STPG2: variants seen among roughly 807,000 people sequenced by gnomAD.
STPG2 encodes sperm-tail PG-rich repeat-containing protein 2.
STPG2 carries 56 observed loss-of-function variants against 54.2 expected under a neutral mutation model. That is an observed-to-expected ratio of 1.03 (90% CI 0.83 to 1.29). The LOEUF is 1.29. Ranked by LOEUF, STPG2 falls within the 50% of genes most tolerant of loss-of-function variation. The pLI is 0.00. For synonymous variants in STPG2, 200 were observed against 181.8 expected (o/e 1.10, Z -0.81); for missense variants, 596 against 544.9 (o/e 1.09, Z -0.93).
chr4:97,983,862 A>C (rs770909235), intron 5 of STPG2, among the ~76,000 whole-genome samples: 1 of 152,220 alleles, frequency 6.6e-6, no homozygotes, highest in Non-Finnish European at 1.5e-5. Context: ...TAGACATGTG[A>C]ACATATATAC....
At chr4:97,468,257 T>C (rs1195514648) in intron 4 of STPG2, among the ~76,000 whole-genome samples, 1 of 152,038 alleles carries the variant, frequency 6.6e-6, no homozygotes, top group African/African-American at 2.4e-5. Flanking sequence ...TTTATTAATC[T>C]TTGAAAGCAA....
intron 10 of STPG2, among the ~76,000 whole-genome samples, chr4:97,642,860 A>G (rs924852733): frequency 6.6e-6 from 1 of 151,506 alleles, no homozygotes; most frequent in Non-Finnish European, 1.5e-5. Flanking sequence ...GAAAAAAATA[A>G]TCAAAACAAA....
intron 10 of STPG2, among the ~76,000 whole-genome samples, chr4:97,599,121 A>G (rs368397473): frequency 7.2e-5 from 11 of 152,318 alleles, no homozygotes; most frequent in African/African-American, 2.6e-4. Flanking sequence ...TCAAAAGAAG[A>G]CATATTTGCG....
chr4:97,980,812 A>T (rs1235259261), intron 6 of STPG2, among the ~76,000 whole-genome samples: 1 of 152,210 alleles, frequency 6.6e-6, no homozygotes, highest in Admixed American at 6.5e-5. Context: ...AAAAAAGTTT[A>T]ACAAAACTGA....
At chr4:97,494,850 C>G (rs1036934408) in intron 4 of STPG2, among the ~76,000 whole-genome samples, 1 of 151,288 alleles carries the variant, frequency 6.6e-6, no homozygotes, top group African/African-American at 2.4e-5. Flanking sequence ...ATTTTGCCAT[C>G]ATAATAATTA....
intron 5 of STPG2, among the ~76,000 whole-genome samples, chr4:98,088,621 A>G (rs190301706): frequency 6.6e-6 from 1 of 151,620 alleles, no homozygotes; most frequent in Non-Finnish European, 1.5e-5. Context: ...ACGGTAAATA[A>G]TATACATAGA....
intron 8 of STPG2, among the ~76,000 whole-genome samples, chr4:97,890,187 T>C (rs530064824): frequency 6.6e-6 from 1 of 151,956 alleles, no homozygotes; most frequent in East Asian, 1.9e-4. Context: ...AATAAAGAAA[T>C]GTGGCAAAAA....
chr4:97,848,367 C>T (rs183221791), intron 8 of STPG2, among the ~76,000 whole-genome samples: 301 of 152,124 alleles, frequency 2.0e-3, no homozygotes, highest in African/African-American at 7.1e-3. Context: ...TAAAGCTGTC[C>T]GATGAGAAGG....
intron 10 of STPG2, among the ~76,000 whole-genome samples, chr4:97,667,076 G>T (rs1722552744): frequency 6.6e-6 from 1 of 152,170 alleles, no homozygotes; most frequent in African/African-American, 2.4e-5. Flanking sequence ...GCACACTTTG[G>T]TGGTGGTAGT....
chr4:97,736,233 GA>G (rs1190288615), intron 9 of STPG2, among the ~76,000 whole-genome samples: 4 of 152,166 alleles, frequency 2.6e-5, no homozygotes, highest in African/African-American at 9.7e-5. Flanking sequence ...TAGCAGCCAA[GA>G]TGGCCGAATA....
chr4:97,477,152 C>T (rs1438377782), intron 4 of STPG2, among the ~76,000 whole-genome samples: 1 of 152,112 alleles, frequency 6.6e-6, no homozygotes, highest in African/African-American at 2.4e-5. Context: ...TGGTATGTAA[C>T]CCCTCAGTAA....
rs1219713456 is a variant in STPG2, at chr4:97,908,621, T to C, written c.1044+35276A>G. On this transcript the variant is annotated intron_variant, in intron 8 of 10. Coordinates refer to ENST00000295268, the MANE Select transcript of STPG2 (RefSeq NM_174952.3). ...CAAAGACTTGGAACCAACCCAAATG[T>C]CCAACAATGATAGACTGGATTAAGA... Among the ~76,000 whole-genome samples the C allele has an allele frequency of 8.7e-4, 132 of 151,872 alleles. 1 individual carries two copies. Among genetic ancestry groups the C allele is most frequent in the Admixed American group, 1.2e-3 (18 of 15,252 alleles).
intron 9 of STPG2, among the ~76,000 whole-genome samples, chr4:97,791,002 C>T (rs1396670841): frequency 6.6e-6 from 1 of 152,024 alleles, no homozygotes; most frequent in Non-Finnish European, 1.5e-5. Context: ...TTCTACCAAA[C>T]TTTTGCATAC....
intron 10 of STPG2, among the ~76,000 whole-genome samples, chr4:97,709,677 A>G (rs1408698336): frequency 6.6e-6 from 1 of 151,888 alleles, no homozygotes; most frequent in Non-Finnish European, 1.5e-5. Context: ...TCAGAAAATC[A>G]ATATATTTGA....
intron 4 of STPG2, among the ~76,000 whole-genome samples, chr4:97,481,250 T>A (rs919134982): frequency 6.6e-6 from 1 of 151,598 alleles, no homozygotes; most frequent in Non-Finnish European, 1.5e-5. Flanking sequence ...TTCCCTTATC[T>A]ACGTGTATTC....
intron 10 of STPG2, among the ~76,000 whole-genome samples, chr4:97,572,474 C>T (rs1732624693): frequency 6.6e-6 from 1 of 152,048 alleles, no homozygotes; most frequent in South Asian, 2.1e-4. Context: ...TTTGAAATCT[C>T]TAAAGTCATG....
chr4:98,071,400 C>G (rs1045194451), intron 5 of STPG2, among the ~76,000 whole-genome samples: 1 of 152,088 alleles, frequency 6.6e-6, no homozygotes, highest in African/African-American at 2.4e-5. Flanking sequence ...TTCCTTACAC[C>G]TTATACAAAA....
intron 5 of STPG2, among the ~76,000 whole-genome samples, chr4:98,039,449 C>T (rs1470251288): frequency 1.6e-5 from 1 of 61,670 alleles, no homozygotes; most frequent in Non-Finnish European, 3.7e-5. Flanking sequence ...TGTCTGTGTA[C>T]ATATACATAT....
intron 10 of STPG2, among the ~76,000 whole-genome samples, chr4:97,563,966 T>C (rs1259347182): frequency 1.3e-5 from 2 of 152,206 alleles, no homozygotes; most frequent in African/African-American, 4.8e-5. Flanking sequence ...GGTGCAGAGC[T>C]GAGTTCAATT....
Sources: gnomAD v4.1 joint callset for allele counts (sites outside exome capture counted in the v4.1 genomes callset) on GRCh38, gnomAD v4.1.1 for gene constraint, MANE v1.5 for transcripts, NCBI Gene and HGNC (gene_info 2026-07-23, HGNC 2026-07-21) for gene names.